The following HTR4 variants were observed in gnomAD, a reference collection of about 807,000 sequenced individuals.
HTR4 encodes 5-hydroxytryptamine receptor 4.
Under a neutral mutation model 36.8 loss-of-function variants are expected in HTR4, and 16 were observed. That is an observed-to-expected ratio of 0.43 (90% CI 0.29 to 0.66). HTR4 has a LOEUF of 0.66. Ranked by LOEUF, HTR4 falls within the 30% of genes least tolerant of loss-of-function variation. The pLI is 0.13. For synonymous variants in HTR4, 189 were observed against 185.1 expected (o/e 1.02, Z -0.17); for missense variants, 438 against 490.9 (o/e 0.89, Z 1.02).
intron 2 of HTR4, among the ~76,000 whole-genome samples, chr5:148,587,075 C>A (rs778993645): frequency 1.3e-5 from 2 of 152,200 alleles, no homozygotes; most frequent in African/African-American, 4.8e-5. Flanking sequence ...TATTGTCTCA[C>A]CTCTGGCTGC....
chr5:148,609,648 C>T (rs1310241010), intron 2 of HTR4, among the ~76,000 whole-genome samples: 2 of 151,542 alleles, frequency 1.3e-5, no homozygotes, highest in Admixed American at 6.6e-5. Context: ...TCACTGCACG[C>T]TCTGCCTCCA....
At chr5:148,605,267 T>G (rs1233453048) in intron 2 of HTR4, among the ~76,000 whole-genome samples, 13 of 144,856 alleles carry the variant, frequency 9.0e-5, no homozygotes, top group African/African-American at 3.3e-4. Flanking sequence ...TTTTTTTTTT[T>G]TTTTTTTTGA....
downstream of HTR4, among the ~76,000 whole-genome samples, chr5:148,474,582 G>C (rs1467731761): frequency 6.6e-6 from 1 of 152,110 alleles, no homozygotes; most frequent in Non-Finnish European, 1.5e-5. Context: ...CAGGACTCCA[G>C]ACCAATTTAA....
chr5:148,642,021 T>C (rs1477420289), intron 1 of HTR4, among the ~76,000 whole-genome samples: 1 of 152,216 alleles, frequency 6.6e-6, no homozygotes, highest in African/African-American at 2.4e-5. Context: ...TTTGCTCCAC[T>C]TTGTTTTGTT....
At chr5:148,610,320 C>T (rs553363524) in intron 2 of HTR4, among the ~76,000 whole-genome samples, 1 of 152,320 alleles carries the variant, frequency 6.6e-6, no homozygotes, top group African/African-American at 2.4e-5. Flanking sequence ...CAGTACGCAG[C>T]TGGAGATCTG....
chr5:148,544,347 A>C (rs1759276267), intron 4 of HTR4, among the ~76,000 whole-genome samples: 3 of 86,396 alleles, frequency 3.5e-5, no homozygotes, highest in South Asian at 3.4e-4. Context: ...CTCTCCACAC[A>C]CACTCATGTA....
At chr5:148,524,991 G>A (rs757524317) in intron 4 of HTR4, among the ~76,000 whole-genome samples, 7 of 152,148 alleles carry the variant, frequency 4.6e-5, no homozygotes, top group Non-Finnish European at 1.0e-4. Flanking sequence ...AGCAGCTGAC[G>A]ACATTGTGCC....
At chr5:148,646,915 C>A (rs1168218891) in intron 1 of HTR4, among the ~76,000 whole-genome samples, 6 of 152,276 alleles carry the variant, frequency 3.9e-5, no homozygotes, top group South Asian at 2.1e-4. Context: ...ACAACAACAA[C>A]AAAAAACCCA....
At chr5:148,476,036 C>T (rs1204827145), downstream of HTR4, among the ~76,000 whole-genome samples, 1 of 152,192 alleles carries the variant, frequency 6.6e-6, no homozygotes, top group Non-Finnish European at 1.5e-5. Flanking sequence ...AATGGCAAAA[C>T]TTTAGGCAGA....
At chr5:148,507,700 C>T (rs930886095) in intron 6 of HTR4, among the ~76,000 whole-genome samples, 9 of 151,918 alleles carry the variant, frequency 5.9e-5, no homozygotes, top group Non-Finnish European at 8.8e-5. Flanking sequence ...TTTAACAATA[C>T]ATCTTATTTA....
chr5:148,639,772 CTCA>C (rs1226616445), intron 1 of HTR4, among the ~76,000 whole-genome samples: 1 of 151,596 alleles, frequency 6.6e-6, no homozygotes, highest in Admixed American at 6.6e-5. Flanking sequence ...ATATTGTGTC[CTCA>C]TCATAGATAT....
chr5:148,623,697 A>G (rs1752991107), intron 2 of HTR4, among the ~76,000 whole-genome samples: 1 of 152,150 alleles, frequency 6.6e-6, no homozygotes, highest in South Asian at 2.1e-4. Context: ...CTGAAGTGGG[A>G]ATGGAATTCT....
chr5:148,511,179 T>C (rs1757482396), intron 5 of HTR4, among the ~76,000 whole-genome samples: 1 of 152,216 alleles, frequency 6.6e-6, no homozygotes, highest in Non-Finnish European at 1.5e-5. Context: ...TTTTCGAATA[T>C]TTTATTGAAC....
intron 6 of HTR4, among the ~76,000 whole-genome samples, chr5:148,504,683 C>CA (rs1350148740): frequency 6.6e-6 from 1 of 151,904 alleles, no homozygotes. Flanking sequence ...AAAAACCCTT[C>CA]AAAAAATCAA....
chr5:148,519,072 T>G (rs1027029461), intron 5 of HTR4, among the ~76,000 whole-genome samples: 1 of 152,192 alleles, frequency 6.6e-6, no homozygotes, highest in Admixed American at 6.6e-5. Context: ...AATTATTTCT[T>G]GAATGAATAA....
intron 2 of HTR4, among the ~76,000 whole-genome samples, chr5:148,582,831 T>G (rs1439143438): frequency 6.6e-6 from 1 of 152,146 alleles, no homozygotes; most frequent in Non-Finnish European, 1.5e-5. Context: ...AAGGAGATTT[T>G]GGGCTGAGAC....
chr5:148,476,723 A>G, downstream of HTR4: 2 of 1,613,314 alleles, frequency 1.2e-6, no homozygotes, highest in Non-Finnish European at 1.7e-6. Context: ...AGAATTGGCC[A>G]CAGTCCTCAA....
At chr5:148,601,542 T>C (rs1426549160) in intron 2 of HTR4, among the ~76,000 whole-genome samples, 1 of 152,176 alleles carries the variant, frequency 6.6e-6, no homozygotes, top group Non-Finnish European at 1.5e-5. Context: ...GGCTCACTCC[T>C]GTAATCCCAG....
chr5:148,528,603 T>G (rs777727135), intron 4 of HTR4, among the ~76,000 whole-genome samples: 2 of 152,168 alleles, frequency 1.3e-5, no homozygotes, highest in Non-Finnish European at 2.9e-5. Flanking sequence ...TAACCGATGG[T>G]GCTTCCTTAA....
Sources: gnomAD v4.1 joint callset for allele counts (sites outside exome capture counted in the v4.1 genomes callset) on GRCh38, gnomAD v4.1.1 for gene constraint, MANE v1.5 for transcripts, NCBI Gene and HGNC (gene_info 2026-07-23, HGNC 2026-07-21) for gene names.